The following ACAP2 variants were observed in gnomAD, a reference collection of about 807,000 sequenced individuals.
The protein encoded by ACAP2 is ArfGAP with coiled-coil, ankyrin repeat and PH domains 2, also known as arf-GAP with coiled-coil, ANK repeat and PH domain-containing protein 2.
A neutral mutation model predicts 115.8 loss-of-function variants in ACAP2; 39 were observed. That is an observed-to-expected ratio of 0.34 (90% CI 0.26 to 0.44). The LOEUF is 0.44. Ranked by LOEUF, ACAP2 falls within the 20% of genes least tolerant of loss-of-function variation. ACAP2 has a pLI of 1.00. For synonymous variants in ACAP2, 289 were observed against 315.8 expected (o/e 0.92, Z 0.90); for missense variants, 662 against 927.6 (o/e 0.71, Z 3.72).
chr3:195,428,399 C>T (rs1335531228), intron 1 of ACAP2, among the ~76,000 whole-genome samples: 1 of 151,482 alleles, frequency 6.6e-6, no homozygotes, highest in African/African-American at 2.4e-5. Flanking sequence ...TATACACACA[C>T]AGTCATATTC....
At chr3:195,423,856 C>T (rs1387696634) in intron 1 of ACAP2, among the ~76,000 whole-genome samples, 1 of 151,664 alleles carries the variant, frequency 6.6e-6, no homozygotes, top group Non-Finnish European at 1.5e-5. Flanking sequence ...ACTTAGCACA[C>T]ATGTAGAAAT....
rs551263635 is a variant in ACAP2 at position 195,423,107 on chromosome 3, GAGAA to G, written c.53+19684_53+19687del. On this transcript the variant is annotated intron_variant, in intron 1 of 22. Coordinates refer to ENST00000326793, the MANE Select transcript of ACAP2 (RefSeq NM_012287.6). ...TAGTGTTATAAATGTGGTTATGTAGGAGAATGTCCTTATTTTTACGAGCTGCAGG... is the reference window on the plus strand; with the variant it reads ...TAGTGTTATAAATGTGGTTATGTAGGTGTCCTTATTTTTACGAGCTGCAGG... 6.6e-5 allele frequency among the ~76,000 whole-genome samples: 10 copies of G among 152,070 alleles called. No homozygotes were observed. In the East Asian group the frequency reaches 1.9e-3, roughly 29 times the overall value.
At chr3:195,430,573 G>A (rs1025366857) in intron 1 of ACAP2, among the ~76,000 whole-genome samples, 3 of 152,118 alleles carry the variant, frequency 2.0e-5, no homozygotes, top group African/African-American at 7.2e-5. Flanking sequence ...AATTTAGCTA[G>A]GCATAGTGGT....
intron 14 of ACAP2, 113 bp from the exon 15 acceptor site, chr3:195,301,757 G>C (rs1409116779): frequency 8.7e-7 from 1 of 1,149,986 alleles, no homozygotes; most frequent in Admixed American, 2.3e-5. Flanking sequence ...ACACATATAG[G>C]CACAGATCTT....
At chr3:195,354,544 A>G (rs1226908157) in intron 4 of ACAP2, among the ~76,000 whole-genome samples, 4 of 152,084 alleles carry the variant, frequency 2.6e-5, no homozygotes, top group Non-Finnish European at 5.9e-5. Flanking sequence ...TTTCTTTATA[A>G]TTTAAGTTCC....
rs73890779 is a variant in ACAP2, at chr3:195,326,506, G to C, written c.744+379C>G. 6.7e-3 allele frequency: 1,180 copies of C among 175,756 alleles called. 14 individuals carry two copies. Among genetic ancestry groups the C allele is most frequent in the African/African-American group, 0.027 (1,121 of 41,982 alleles). 10.9% of individuals were successfully genotyped at this position (175,756 alleles called of 1,614,324 possible). On this transcript the variant is annotated intron_variant, in intron 9 of 22. Transcript: ENST00000326793. ...GACCAAACACGCATGTTGACACTAA[G>C]GTGCATCCACACCCTCTGCCCCACA...
intron 3 of ACAP2, 63 bp downstream of exon 3, chr3:195,381,840 C>T: frequency 6.5e-7 from 1 of 1,536,326 alleles, no homozygotes. Flanking sequence ...GATGAATGCA[C>T]AATTCTTTAA....
intron 1 of ACAP2, among the ~76,000 whole-genome samples, chr3:195,424,284 T>TATATATATATATA (rs1491225166): frequency 4.4e-4 from 7 of 15,840 alleles, no homozygotes; most frequent in Non-Finnish European, 5.9e-4. Context: ...TATATATATA[T>TATATATATATATA]TTTTTTTTTT....
chr3:195,310,334 G>A (rs1345801922), intron 10 of ACAP2, among the ~76,000 whole-genome samples: 1 of 152,110 alleles, frequency 6.6e-6, no homozygotes. Flanking sequence ...AAATCATCAA[G>A]AGGTAGGCTA....
chr3:195,370,033 G>C (rs1363439001), intron 4 of ACAP2, among the ~76,000 whole-genome samples: 5 of 152,124 alleles, frequency 3.3e-5, no homozygotes, highest in African/African-American at 9.7e-5. Context: ...TTCTTCACAG[G>C]CTTCTTGGCT....
intron 13 of ACAP2, among the ~76,000 whole-genome samples, chr3:195,305,931 A>G (rs895699044): frequency 1.3e-5 from 2 of 151,936 alleles, no homozygotes; most frequent in African/African-American, 4.8e-5. Flanking sequence ...CGATCCCCCT[A>G]ACCATACTCC....
chr3:195,299,824 C>T (rs911474062), intron 15 of ACAP2, among the ~76,000 whole-genome samples: 8 of 151,444 alleles, frequency 5.3e-5, no homozygotes, highest in African/African-American at 1.5e-4. Flanking sequence ...GGCGACACAG[C>T]GAGACTCCCT....
intron 22 of ACAP2, 152 bp from the exon 23 acceptor site, chr3:195,279,580 ATGC>A (rs1726354736): frequency 2.2e-6 from 1 of 454,198 alleles, no homozygotes; most frequent in Non-Finnish European, 3.8e-6. Flanking sequence ...CTAAAAATAA[ATGC>A]TGAAAAATTA....
At chr3:195,360,584 C>T (rs1732285087) in intron 4 of ACAP2, among the ~76,000 whole-genome samples, 2 of 152,296 alleles carry the variant, frequency 1.3e-5, no homozygotes, top group African/African-American at 4.8e-5. Flanking sequence ...CACCTGAGGT[C>T]AGGAGTTCGA....
chr3:195,340,549 A>T lies in ACAP2; in HGVS notation c.528+1922T>A, dbSNP rs566459869. On this transcript the variant is annotated intron_variant, in intron 6 of 22. Transcript: ENST00000326793. ...CCTAAAAAGGAGAGTGAAAAGGCAG[A>T]CAAAGGAGTGAAGCCCAAGACAGAA... Among the ~76,000 whole-genome samples, 58 of 152,348 alleles carry T rather than the reference A, an allele frequency of 3.8e-4. No homozygotes were observed. In the Middle Eastern group the frequency reaches 0.017, roughly 45 times the overall value.
chr3:195,292,410 T>C lies in ACAP2; in HGVS notation c.1808A>G (p.His603Arg), dbSNP rs202209364. ...QDSSMFLDSK[H>R]LNPGLQLYRA... ...ATAAAGCTGAAGTCCTGGATTAAGA[T>C]GTTTCGAGTCAAGAAACATAGAAGA... Residue 603 changes from histidine (H) to arginine (R), a missense_variant, in exon 19 of 23, where the codon CAT becomes CGT. Physicochemically the swap from His to Arg is conservative, Grantham distance 29 (BLOSUM62 0). Around this residue, in one of 3 missense-constraint regions of ACAP2, gnomAD observed 133 missense variants for 123.1 expected, o/e 1.08. Coordinates refer to ENST00000326793, the MANE Select transcript of ACAP2 (RefSeq NM_012287.6). 1.0e-4 allele frequency: 167 copies of C among 1,611,990 alleles called. No homozygotes were observed. The highest frequency in any genetic ancestry group is 3.4e-5 in the Non-Finnish European group (40 of 1,179,552).
At chr3:195,416,195 AAGTT>A (rs1175110998) in intron 1 of ACAP2, among the ~76,000 whole-genome samples, 1 of 151,994 alleles carries the variant, frequency 6.6e-6, no homozygotes. Context: ...AAAATACAAA[AAGTT>A]AGCCGGCATG....
At chr3:195,313,686 T>C (rs1333150860) in intron 10 of ACAP2, among the ~76,000 whole-genome samples, 3 of 152,354 alleles carry the variant, frequency 2.0e-5, no homozygotes, top group South Asian at 4.1e-4. Context: ...GTACCTTCTA[T>C]GCTCTTAGCT....
intron 1 of ACAP2, among the ~76,000 whole-genome samples, chr3:195,404,866 C>T (rs191871612): frequency 0.01 from 1,505 of 150,166 alleles, 10 homozygotes; most frequent in Non-Finnish European, 0.015. Context: ...GGCACAATCT[C>T]AGCTCACTGC....
Sources: allele counts gnomAD v4.1 joint callset (sites outside exome capture counted in the v4.1 genomes callset), GRCh38; gene constraint gnomAD v4.1.1; regional missense constraint gnomAD v4.1.1; transcripts MANE v1.5; gene names NCBI Gene and HGNC (gene_info 2026-07-23, HGNC 2026-07-21).